The following UXS1 variants were observed in gnomAD, a reference collection of about 807,000 sequenced individuals.
UXS1 encodes UDP-glucuronic acid decarboxylase 1.
Under a neutral mutation model 62.6 loss-of-function variants are expected in UXS1, and 33 were observed. That is an observed-to-expected ratio of 0.53 (90% confidence interval 0.40 to 0.70). The LOEUF (loss-of-function observed/expected upper bound fraction) is 0.70. Ranked by LOEUF, UXS1 falls within the 30% of genes least tolerant of loss-of-function variation. The probability of loss-of-function intolerance (pLI) is 0.00; values close to 1 mark genes in which losing one functional copy is unlikely to be tolerated. For missense variants in UXS1, 434 were observed against 556.3 expected (o/e 0.78, Z 2.21); for synonymous variants, 213 against 206.8 (o/e 1.03, Z -0.26).
chr2:106,097,935 C>A (rs1007084922), intron 13 of UXS1, among the ~76,000 whole-genome samples: 1 of 152,238 alleles, frequency 6.6e-6, no homozygotes, highest in Non-Finnish European at 1.5e-5. Flanking sequence ...TCCAGCCATC[C>A]GGGTCGATTA....
chr2:106,101,208 A>G (rs1285366389), intron 11 of UXS1, 90 bp from the exon 12 acceptor site: 1 of 1,356,008 alleles, frequency 7.4e-7, no homozygotes, highest in East Asian at 2.4e-5. Context: ...AAGAAAAATT[A>G]CCACCCCCAG....
intron 1 of UXS1, among the ~76,000 whole-genome samples, chr2:106,176,741 G>T (rs1683905420): frequency 6.6e-6 from 1 of 152,204 alleles, no homozygotes; most frequent in Non-Finnish European, 1.5e-5. Context: ...AGTCAATCTG[G>T]GGTGCCTGAG....
At chr2:106,146,061 C>A (rs1681538036) in intron 5 of UXS1, among the ~76,000 whole-genome samples, 1 of 152,170 alleles carries the variant, frequency 6.6e-6, no homozygotes, top group Non-Finnish European at 1.5e-5. Flanking sequence ...AACCTAGACC[C>A]CTGCAAAGGT....
intron 5 of UXS1, among the ~76,000 whole-genome samples, chr2:106,149,119 C>T (rs1439100963): frequency 6.6e-6 from 1 of 152,098 alleles, no homozygotes; most frequent in Non-Finnish European, 1.5e-5. Flanking sequence ...TAAGTTATAG[C>T]AACAATATAC....
At chr2:106,101,183 TAGAA>T (rs1449275233) in intron 11 of UXS1, 65 bp from the exon 12 acceptor site, 1 of 1,528,136 alleles carries the variant, frequency 6.5e-7, no homozygotes, top group African/African-American at 1.4e-5. Context: ...ACGCACCACA[TAGAA>T]GCCCTCCCAG....
At chr2:106,099,839 C>T (rs1677444116) in intron 12 of UXS1, among the ~76,000 whole-genome samples, 1 of 152,166 alleles carries the variant, frequency 6.6e-6, no homozygotes. Context: ...GAATTTTTTT[C>T]AAAAGTGGCA....
intron 6 of UXS1, among the ~76,000 whole-genome samples, chr2:106,142,773 C>A (rs543370613): frequency 4.6e-5 from 7 of 152,184 alleles, no homozygotes; most frequent in Non-Finnish European, 8.8e-5. Context: ...AAACAGGCTT[C>A]AAACCACAGA....
chr2:106,192,555 C>CGAA (rs1684999784), intron 1 of UXS1, among the ~76,000 whole-genome samples: 1 of 130,012 alleles, frequency 7.7e-6, no homozygotes, highest in Admixed American at 7.6e-5. Context: ...GACTCCGTCT[C>CGAA]AAAAAAAAAA....
At chr2:106,103,215 A>G (rs989518833) in intron 11 of UXS1, among the ~76,000 whole-genome samples, 1 of 152,242 alleles carries the variant, frequency 6.6e-6, no homozygotes, top group Non-Finnish European at 1.5e-5. Context: ...AGCAAAAAGA[A>G]AAGTCTCTGA....
intron 6 of UXS1, among the ~76,000 whole-genome samples, chr2:106,131,203 TA>T (rs1223762516): frequency 8.7e-5 from 13 of 150,050 alleles, no homozygotes; most frequent in African/African-American, 2.7e-4. Flanking sequence ...CAGACCGGCT[TA>T]AAAAACGGCG....
At chr2:106,103,459 GAT>G (rs1175472182) in intron 11 of UXS1, among the ~76,000 whole-genome samples, 4 of 152,202 alleles carry the variant, frequency 2.6e-5, no homozygotes, top group African/African-American at 9.7e-5. Flanking sequence ...AGGAGGATGG[GAT>G]AAGAACGCGT....
intron 6 of UXS1, among the ~76,000 whole-genome samples, chr2:106,137,998 CTG>C (rs1160297402): frequency 1.3e-5 from 2 of 152,190 alleles, no homozygotes; most frequent in Admixed American, 1.3e-4. Context: ...ATAAACAACT[CTG>C]TATGGGCTGT....
chr2:106,109,678 C>T (rs185792863), intron 10 of UXS1, among the ~76,000 whole-genome samples: 1 of 152,314 alleles, frequency 6.6e-6, no homozygotes, highest in Admixed American at 6.5e-5. Context: ...CATGATTCCA[C>T]TTAAAATATA....
chr2:106,138,786 T>A, intron 6 of UXS1: 1 of 985,480 alleles, frequency 1.0e-6, no homozygotes, highest in South Asian at 4.7e-5. Flanking sequence ...GAGAGGAAAC[T>A]GAAAACCCTA....
chr2:106,179,964 C>T (rs1279101635), intron 1 of UXS1, among the ~76,000 whole-genome samples: 7 of 152,038 alleles, frequency 4.6e-5, no homozygotes, highest in Admixed American at 3.3e-4. Flanking sequence ...ACAAAATTAG[C>T]CGGGCATGGT....
At chr2:106,115,017 C>T (rs1197653846) in intron 9 of UXS1, among the ~76,000 whole-genome samples, 1 of 152,122 alleles carries the variant, frequency 6.6e-6, no homozygotes, top group Non-Finnish European at 1.5e-5. Context: ...ACAAAGGCGA[C>T]CCCCAGTCAA....
rs763038484 is a variant in UXS1 at position 106,125,602 on chromosome 2, A to G, written c.637+18T>C. 5.8e-6 allele frequency: 9 copies of G among 1,556,148 alleles called. No individual in the cohort carries two copies. Among genetic ancestry groups the G allele is most frequent in the Non-Finnish European group, 7.0e-6 (8 of 1,150,762 alleles). On this transcript the variant is annotated intron_variant, in intron 8 of 14. Coordinates refer to ENST00000283148, the MANE Select transcript of UXS1 (RefSeq NM_001253875.2). ...CAAGGGCTGGAGTGAACATCTCCTG[A>G]GAGAGCCTCCTACTCACCTCCATAC... is the stretch of plus-strand genomic sequence containing the variant.
intron 1 of UXS1, 113 bp downstream of exon 1, chr2:106,194,035 G>C (rs1685110876): frequency 1.4e-6 from 1 of 733,472 alleles, no homozygotes; most frequent in Non-Finnish European, 1.9e-6. Flanking sequence ...CCCGGGGCGG[G>C]GAGCAACGCG....
At chr2:106,144,638 G>A (rs999431008) in intron 6 of UXS1, among the ~76,000 whole-genome samples, 1 of 152,198 alleles carries the variant, frequency 6.6e-6, no homozygotes, top group African/African-American at 2.4e-5. Flanking sequence ...TTGAACCAAT[G>A]GTTTTCTATC....
Sources: allele counts gnomAD v4.1 joint callset (sites outside exome capture counted in the v4.1 genomes callset), GRCh38; gene constraint gnomAD v4.1.1; transcripts MANE v1.5; gene names NCBI Gene and HGNC (gene_info 2026-07-23, HGNC 2026-07-21).